EMC3: variants seen among roughly 807,000 people sequenced by gnomAD.
EMC3 encodes the protein ER membrane protein complex subunit 3, also known as 30 kDa protein.
In EMC3, 13 loss-of-function variants were observed where a neutral mutation model predicts 36.6. That is an observed-to-expected ratio of 0.35 (90% CI 0.23 to 0.56). The LOEUF (loss-of-function observed/expected upper bound fraction) is 0.56. Ranked by LOEUF, EMC3 falls within the 20% of genes least tolerant of loss-of-function variation. The pLI, the probability that EMC3 is intolerant of heterozygous loss-of-function variation, is 0.84. For missense variants in EMC3, 220 were observed against 324.5 expected (o/e 0.68, Z 2.47); for synonymous variants, 120 against 111.9 (o/e 1.07, Z -0.46).
chr3:9,987,395 C>T (rs1166206461), upstream of EMC3: 7 of 670,042 alleles, frequency 1.0e-5, no homozygotes, highest in Non-Finnish European at 1.3e-5. Flanking sequence ...CCTCATCTGC[C>T]CTGAGATGGG....
chr3:9,965,443 T>TAGAC (rs1207889930), intron 7 of EMC3, among the ~76,000 whole-genome samples: 1 of 151,888 alleles, frequency 6.6e-6, no homozygotes, highest in African/African-American at 2.4e-5. Flanking sequence ...GATAGATAGA[T>TAGAC]AGATAGATAG....
intron 6 of EMC3, among the ~76,000 whole-genome samples, chr3:9,970,180 C>T (rs1474195017): frequency 2.6e-5 from 4 of 152,152 alleles, no homozygotes; most frequent in Non-Finnish European, 4.4e-5. Flanking sequence ...ATAGAGAATT[C>T]GAAGTTAAGT....
At chr3:10,009,695 C>G (rs553897489) in intron 1 of EMC3, among the ~76,000 whole-genome samples, 2 of 152,324 alleles carry the variant, frequency 1.3e-5, no homozygotes, top group East Asian at 3.9e-4. Context: ...CACAGTCCAG[C>G]AATCCTGCCC....
chr3:9,990,222 C>T (rs1454879880), upstream of EMC3, among the ~76,000 whole-genome samples: 16 of 150,284 alleles, frequency 1.1e-4, no homozygotes, highest in Admixed American at 1.0e-3. Context: ...GATGGGGTTT[C>T]ACGTTGTTAG....
At chr3:9,983,702 C>T (rs1198060694) in intron 1 of EMC3, among the ~76,000 whole-genome samples, 1 of 151,936 alleles carries the variant, frequency 6.6e-6, no homozygotes, top group Non-Finnish European at 1.5e-5. Context: ...AAACAGACTA[C>T]ACTAACTGTG....
chr3:9,992,662 T>C (rs965906168), intron 1 of EMC3, among the ~76,000 whole-genome samples: 2 of 152,240 alleles, frequency 1.3e-5, no homozygotes, highest in Non-Finnish European at 2.9e-5. Flanking sequence ...TATTGGAATG[T>C]ATTCCTAAGA....
intron 1 of EMC3, among the ~76,000 whole-genome samples, chr3:9,992,593 T>G (rs563670905): frequency 6.6e-6 from 1 of 152,346 alleles, no homozygotes; most frequent in Admixed American, 6.5e-5. Flanking sequence ...AGTGATTGAA[T>G]CTTTTAATAA....
At chr3:9,987,362 C>T (rs2085989260), upstream of EMC3, 3 of 948,482 alleles carry the variant, frequency 3.2e-6, no homozygotes, top group South Asian at 4.9e-5. Flanking sequence ...TTCTCTGGGG[C>T]TCCGCGCCCC....
At chr3:9,967,645 C>T (rs974409699) in intron 7 of EMC3, among the ~76,000 whole-genome samples, 12 of 152,150 alleles carry the variant, frequency 7.9e-5, no homozygotes, top group African/African-American at 2.9e-4. Flanking sequence ...AAAACCACGG[C>T]GTGTAAGTTA....
chr3:9,975,902 A>G (rs1321206695), intron 3 of EMC3, among the ~76,000 whole-genome samples: 1 of 151,840 alleles, frequency 6.6e-6, no homozygotes, highest in Non-Finnish European at 1.5e-5. Context: ...CATATATTTA[A>G]TGGTCTTTTG....
chr3:9,991,018 C>T (rs569254084), upstream of EMC3, among the ~76,000 whole-genome samples: 3 of 151,856 alleles, frequency 2.0e-5, no homozygotes, highest in Admixed American at 1.3e-4. Context: ...TTAGTAGAGA[C>T]GGGGTTTCAC....
chr3:9,963,524 G>A lies in EMC3; in HGVS notation c.*545C>T, dbSNP rs1272077277. 3 of 142,280 alleles carry A rather than the reference G, an allele frequency of 2.1e-5. No homozygotes were observed. The Admixed American group carries it at 2.2e-4, about 10-fold the overall frequency. The allele number at this position is 142,280 out of a possible 1,614,324, so 8.8% of individuals were successfully genotyped here. ...GAGTTTTGCTCTGTCGCCCAGGCTG[G>A]AGCGCAGTGGCACGATGTCAGCTCA... is the stretch of plus-strand genomic sequence containing the variant. On this transcript the variant is annotated 3_prime_UTR_variant, in exon 8 of 8. Transcript: ENST00000245046.
At chr3:10,003,324 C>A (rs1338098951) in intron 1 of EMC3, 1 of 415,092 alleles carries the variant, frequency 2.4e-6, no homozygotes, top group East Asian at 7.1e-5. Context: ...GGATGCACTT[C>A]CATTGTATTA....
chr3:9,974,581 C>T lies in EMC3; in HGVS notation c.308-93G>A, dbSNP rs9859481. ...TTCTGTAAACTGTTTTTTTTTGAGACGGAGTCCCGCTCTGTCGCCCAGGCT... is the reference window on the plus strand; with the variant it reads ...TTCTGTAAACTGTTTTTTTTTGAGATGGAGTCCCGCTCTGTCGCCCAGGCT... On this transcript the variant is annotated intron_variant, in intron 3 of 7. Transcript: ENST00000245046. 430 of 815,470 alleles carry T rather than the reference C, an allele frequency of 5.3e-4. 2 individuals carry two copies. The African/African-American group carries it at 6.2e-3, about 12-fold the overall frequency. The allele number at this position is 815,470 out of a possible 1,614,324, so 50.5% of individuals were successfully genotyped here.
chr3:10,006,253 G>A (rs2086260760), intron 1 of EMC3, among the ~76,000 whole-genome samples: 1 of 152,232 alleles, frequency 6.6e-6, no homozygotes, highest in African/African-American at 2.4e-5. Context: ...TGCTCGGCAA[G>A]AAGCTGGGGC....
intron 1 of EMC3, 115 bp downstream of exon 1, chr3:9,986,392 G>T: frequency 8.2e-7 from 1 of 1,220,712 alleles, no homozygotes; most frequent in African/African-American, 1.5e-5. Context: ...TAACGGGTAA[G>T]GTCACCCTGT....
At chr3:9,964,281 G>A in intron 7 of EMC3, 84 bp from the exon 8 acceptor site, 1 of 1,553,608 alleles carries the variant, frequency 6.4e-7, no homozygotes, top group Non-Finnish European at 8.7e-7. Context: ...CACTTACTCT[G>A]GGCCAAAAGC....
intron 1 of EMC3, chr3:9,993,054 C>T: frequency 1.0e-6 from 1 of 991,606 alleles, no homozygotes; most frequent in Non-Finnish European, 1.6e-6. Flanking sequence ...AAACAGAAAG[C>T]TTTACAGCTC....
rs924587837 is a variant in EMC3, at chr3:9,974,447, T to C, written c.349A>G (p.Asn117Asp). 7 of 1,613,730 alleles carry C rather than the reference T, an allele frequency of 4.3e-6. No individual in the cohort carries two copies. In the African/African-American group the frequency reaches 5.3e-5, roughly 12 times the overall value. Residue 117 changes from asparagine (N) to aspartate (D), a missense_variant, in exon 4 of 8, where the codon AAT becomes GAT. Asn to Asp is a conservative substitution (Grantham distance 23). Transcript: ENST00000245046. ...CCAATAAGAATCATAGGGAGGACAT[T>C]TGTTACATTCCCTTTCATCATGTCT... ...LTDMMKGNVTNVLPMILIGGW... is the reference protein window; with the variant it reads ...LTDMMKGNVTDVLPMILIGGW...
Sources: gnomAD v4.1 joint callset for allele counts (sites outside exome capture counted in the v4.1 genomes callset) on GRCh38, gnomAD v4.1.1 for gene constraint, MANE v1.5 for transcripts, NCBI Gene and HGNC (gene_info 2026-07-23, HGNC 2026-07-21) for gene names.